HDAC9: variants seen among roughly 807,000 people sequenced by gnomAD.
HDAC9 encodes the protein MEF-2 interacting transcription repressor (MITR) protein.
In HDAC9, 41 loss-of-function variants were observed where a neutral mutation model predicts 139.4. That is an observed-to-expected ratio of 0.29 (90% CI 0.23 to 0.38). The LOEUF (loss-of-function observed/expected upper bound fraction) is 0.38, where lower values mean the gene tolerates loss of function less well. Among genes scored for constraint, HDAC9 ranks in the 10% least tolerant of loss-of-function variants. The pLI is 1.00. For synonymous variants in HDAC9, 517 were observed against 476.2 expected (o/e 1.09, Z -1.12); for missense variants, 1,147 against 1,297.0 (o/e 0.88, Z 1.78).
At chr7:18,332,311 C>A (rs546859272) in intron 1 of HDAC9, among the ~76,000 whole-genome samples, 5 of 150,892 alleles carry the variant, frequency 3.3e-5, no homozygotes, top group Non-Finnish European at 5.9e-5. Flanking sequence ...CCTCAAAGAC[C>A]ATTTTTTAGT....
chr7:18,978,272 T>G (rs1784678077), intron 25 of HDAC9, among the ~76,000 whole-genome samples: 1 of 152,074 alleles, frequency 6.6e-6, no homozygotes, highest in South Asian at 2.1e-4. Flanking sequence ...ATACTAAGAT[T>G]TTGGGTAAAG....
intron 13 of HDAC9, among the ~76,000 whole-genome samples, chr7:18,735,808 T>C (rs1304792395): frequency 6.6e-6 from 1 of 152,222 alleles, no homozygotes; most frequent in Non-Finnish European, 1.5e-5. Flanking sequence ...GCATTGAATC[T>C]ATAAATTACT....
intron 2 of HDAC9, among the ~76,000 whole-genome samples, chr7:18,529,684 ATTTCT>A (rs1015563901): frequency 2.2e-4 from 34 of 152,184 alleles, no homozygotes; most frequent in Middle Eastern, 3.2e-3. Flanking sequence ...TTTCTCAATC[ATTTCT>A]TTAGTTGTTT....
chr7:18,419,967 A>T (rs916144187), intron 1 of HDAC9, among the ~76,000 whole-genome samples: 2 of 152,246 alleles, frequency 1.3e-5, no homozygotes, highest in African/African-American at 2.4e-5. Flanking sequence ...CTGCACCTGC[A>T]GATTACAGAC....
At chr7:18,928,297 A>T (rs1411507159) in intron 22 of HDAC9, among the ~76,000 whole-genome samples, 1 of 152,244 alleles carries the variant, frequency 6.6e-6, no homozygotes, top group African/African-American at 2.4e-5. Context: ...TCAAAACATT[A>T]GGTTATTCAA....
rs114252646 is a variant in HDAC9, at chr7:18,742,172, T to C, written c.1910-6833T>C. Among the ~76,000 whole-genome samples, 365 of 152,342 alleles carry C rather than the reference T, an allele frequency of 2.4e-3. 3 individuals carry two copies. The highest frequency in any genetic ancestry group is 8.4e-3 in the African/African-American group (351 of 41,586). On this transcript the variant is annotated intron_variant, in intron 13 of 25. Coordinates refer to ENST00000686413, the MANE Select transcript of HDAC9 (RefSeq NM_178425.4). ...AGAAGGTCTACTATCGGTTAAATGC[T>C]ATAATACTAAGCAGCATTCCATGCT...
chr7:18,107,476 T>G (rs1027491466), intron 1 of HDAC9, among the ~76,000 whole-genome samples: 2 of 152,074 alleles, frequency 1.3e-5, no homozygotes, highest in Non-Finnish European at 2.9e-5. Flanking sequence ...ATTAGATGGC[T>G]TCATTGAAAT....
chr7:18,849,546 A>G (rs1797131696), intron 21 of HDAC9, among the ~76,000 whole-genome samples: 1 of 152,220 alleles, frequency 6.6e-6, no homozygotes, highest in Non-Finnish European at 1.5e-5. Context: ...TAGATCAGAT[A>G]TGACACATAA....
chr7:18,732,613 GTATA>G (rs1189305648), intron 13 of HDAC9, among the ~76,000 whole-genome samples: 1 of 137,224 alleles, frequency 7.3e-6, no homozygotes, highest in Admixed American at 7.0e-5. Context: ...GTGCATATGT[GTATA>G]TACACACACG....
intron 1 of HDAC9, among the ~76,000 whole-genome samples, chr7:18,398,342 C>T (rs982680428): frequency 2.0e-5 from 3 of 152,064 alleles, no homozygotes; most frequent in Middle Eastern, 3.2e-3. Context: ...TTTGTATTTT[C>T]CATGTAGAAA....
chr7:18,143,158 G>A (rs1012833422), intron 1 of HDAC9, among the ~76,000 whole-genome samples: 6 of 152,172 alleles, frequency 3.9e-5, no homozygotes, highest in African/African-American at 1.4e-4. Context: ...TCTATCCTGT[G>A]CACCTACGCC....
At chr7:18,837,845 T>C (rs1796336406) in intron 21 of HDAC9, among the ~76,000 whole-genome samples, 1 of 152,108 alleles carries the variant, frequency 6.6e-6, no homozygotes, top group African/African-American at 2.4e-5. Flanking sequence ...GGTAAATGAA[T>C]GAAGTACTCC....
chr7:18,773,964 C>A (rs1245946231), intron 16 of HDAC9, among the ~76,000 whole-genome samples: 2 of 151,560 alleles, frequency 1.3e-5, no homozygotes, highest in African/African-American at 2.4e-5. Flanking sequence ...AGCATAACTT[C>A]TAAACTTTCA....
At chr7:18,551,546 C>T (rs1419470818) in intron 2 of HDAC9, among the ~76,000 whole-genome samples, 1 of 152,132 alleles carries the variant, frequency 6.6e-6, no homozygotes. Context: ...TGTGTGTCCT[C>T]TCAGCCAAAA....
At chr7:18,168,883 T>G (rs956624277) in intron 2 of HDAC9, among the ~76,000 whole-genome samples, 4 of 102,146 alleles carry the variant, frequency 3.9e-5, no homozygotes, top group Admixed American at 9.5e-5. Flanking sequence ...TGTCTTGTTT[T>G]TTTTTTTTTT....
intron 1 of HDAC9, among the ~76,000 whole-genome samples, chr7:18,417,211 C>T (rs188246825): frequency 1.2e-4 from 18 of 152,262 alleles, no homozygotes; most frequent in African/African-American, 3.4e-4. Context: ...TCTCCTCTGC[C>T]GTTTAGCCTA....
At chr7:18,779,101 A>G (rs1383412701) in intron 16 of HDAC9, among the ~76,000 whole-genome samples, 3 of 152,032 alleles carry the variant, frequency 2.0e-5, no homozygotes, top group Admixed American at 6.6e-5. Flanking sequence ...TCATCTCACC[A>G]TGACTAAAGA....
intron 2 of HDAC9, among the ~76,000 whole-genome samples, chr7:18,238,433 G>A (rs1793968786): frequency 1.3e-5 from 2 of 152,166 alleles, no homozygotes. Context: ...ATTGCTGGTT[G>A]CCACACATTA....
chr7:18,311,738 A>G (rs1262117052), intron 1 of HDAC9, among the ~76,000 whole-genome samples: 1 of 152,176 alleles, frequency 6.6e-6, no homozygotes, highest in Non-Finnish European at 1.5e-5. Context: ...TTTTCTCCCA[A>G]ATATGGGGAC....
Sources: gnomAD v4.1 joint callset for allele counts (sites outside exome capture counted in the v4.1 genomes callset) on GRCh38, gnomAD v4.1.1 for gene constraint, MANE v1.5 for transcripts, NCBI Gene and HGNC (gene_info 2026-07-23, HGNC 2026-07-21) for gene names.